Variants in RBFOX2 observed in about 807,000 individuals in gnomAD.
RBFOX2 encodes the protein RNA binding fox-1 homolog 2, also known as RNA binding protein fox-1 homolog 2.
RBFOX2 carries 10 observed loss-of-function variants against 49.1 expected under a neutral mutation model. That is an observed-to-expected ratio of 0.20 (90% CI 0.13 to 0.35). The LOEUF is 0.35. RBFOX2 is among the 10% of genes least tolerant of loss of function. The pLI is 1.00. For synonymous variants in RBFOX2, 183 were observed against 187.4 expected (o/e 0.98, Z 0.19); for missense variants, 323 against 486.9 (o/e 0.66, Z 3.17).
Position 35,976,783 on chromosome 22 carries a change from C to T in RBFOX2, c.187-37886G>A, listed in dbSNP as rs1052683950. On this transcript the variant is annotated intron_variant, in intron 1 of 13. Transcript: ENST00000438146. ...TTCAAGGCCAGCCTGGCCAACATGG[C>T]GAAACCTCGCCTCTACTAAAAATAC... Among the ~76,000 whole-genome samples the T allele has an allele frequency of 3.9e-5, 6 of 152,008 alleles. No individual in the cohort carries two copies. The South Asian group carries it at 1.0e-3, about 26-fold the overall frequency.
At chr22:35,828,210 T>TA (rs955242847) in intron 1 of RBFOX2, among the ~76,000 whole-genome samples, 11 of 145,536 alleles carry the variant, frequency 7.6e-5, no homozygotes, top group African/African-American at 2.5e-4. Context: ...CTGAAACTAC[T>TA]AAAAAAACCA....
chr22:35,745,420 CAAT>C (rs1269617458), intron 11 of RBFOX2, among the ~76,000 whole-genome samples: 1 of 152,138 alleles, frequency 6.6e-6, no homozygotes, highest in African/African-American at 2.4e-5. Flanking sequence ...TATCAATAAT[CAAT>C]AATAAAATAT....
At position 35,784,158 on chromosome 22, in the gene RBFOX2, AT is replaced by A. The variant is rs1434730636; in HGVS notation, c.253-2413del. ...GCTCAGTAAAATAAAATCCAGGCCA[AT>A]CAGCTATGCCTTCAACTCAAAAGAA... On this transcript the variant is annotated intron_variant, in intron 2 of 11. Transcript: ENST00000405409. Among the ~76,000 whole-genome samples, 4 of 152,220 alleles carry A rather than the reference AT, an allele frequency of 2.6e-5. No individual in the cohort carries two copies. The South Asian group carries it at 6.2e-4, about 24-fold the overall frequency.
chr22:35,878,625 G>A (rs1306962010), intron 1 of RBFOX2, among the ~76,000 whole-genome samples: 2 of 152,210 alleles, frequency 1.3e-5, no homozygotes, highest in East Asian at 3.9e-4. Flanking sequence ...TGCTTTTGTA[G>A]AGATAGGGTA....
chr22:35,757,323 T>TC (rs1185279149), intron 9 of RBFOX2, among the ~76,000 whole-genome samples: 3 of 151,916 alleles, frequency 2.0e-5, no homozygotes, highest in Non-Finnish European at 4.4e-5. Context: ...ATACAGACTT[T>TC]CCCCAAAACA....
intron 1 of RBFOX2, among the ~76,000 whole-genome samples, chr22:35,950,630 T>A (rs2054806319): frequency 1.3e-5 from 2 of 152,172 alleles, no homozygotes; most frequent in African/African-American, 4.8e-5. Context: ...TCCAGCAAGT[T>A]CTGCTGGTAT....
rs762015963 is a variant in RBFOX2, at chr22:35,746,516, C to T, written c.933G>A (p.Pro311=). Residue 311 remains proline, a synonymous_variant, in exon 10 of 12, where the codon CCG becomes CCA. Coordinates refer to ENST00000405409, the Ensembl canonical transcript of RBFOX2. ...GCAGCGGCTGCAGCAGCGGTGGCTG[C>T]GGTTGCAGTAGCAGGCTGTGCATAT... is the stretch of plus-strand genomic sequence containing the variant. 4.3e-6 allele frequency: 7 copies of T among 1,609,380 alleles called. No individual in the cohort carries two copies. The highest frequency in any genetic ancestry group is 1.3e-5 in the African/African-American group (1 of 74,658).
At chr22:35,855,702 C>T (rs537425101) in intron 1 of RBFOX2, among the ~76,000 whole-genome samples, 1 of 151,986 alleles carries the variant, frequency 6.6e-6, no homozygotes, top group Non-Finnish European at 1.5e-5. Context: ...AGCCAGCATG[C>T]CCAGCCCCAA....
chr22:35,948,068 ATAC>A (rs956337262), intron 1 of RBFOX2, among the ~76,000 whole-genome samples: 9 of 152,178 alleles, frequency 5.9e-5, no homozygotes, highest in African/African-American at 2.2e-4. Flanking sequence ...TTTATCTTTT[ATAC>A]TGTATTTTTG....
intron 1 of RBFOX2, among the ~76,000 whole-genome samples, chr22:36,001,731 C>T (rs574170739): frequency 4.3e-4 from 65 of 151,760 alleles, no homozygotes; most frequent in African/African-American, 1.5e-3. Context: ...CACTGCATTC[C>T]AGCCTGGACG....
chr22:35,887,007 G>A (rs534973400), intron 1 of RBFOX2, among the ~76,000 whole-genome samples: 20 of 152,220 alleles, frequency 1.3e-4, no homozygotes, highest in Middle Eastern at 6.8e-3. Context: ...TGACCACGCT[G>A]ATTTTCTGCT....
intron 3 of RBFOX2, 41 bp downstream of exon 4, chr22:35,781,559 A>C (rs371050977): frequency 1.1e-4 from 176 of 1,596,256 alleles, no homozygotes; most frequent in Non-Finnish European, 1.4e-4. Flanking sequence ...ATTAAAATCT[A>C]CTTTAATTGT....
At chr22:36,013,721 C>T (rs1294100017) in intron 1 of RBFOX2, among the ~76,000 whole-genome samples, 1 of 151,686 alleles carries the variant, frequency 6.6e-6, no homozygotes, top group African/African-American at 2.4e-5. Context: ...AAAGTAGCCT[C>T]TGATATAGGA....
chr22:35,788,392 T>TC (rs1053269059), intron 2 of RBFOX2, among the ~76,000 whole-genome samples: 15 of 151,912 alleles, frequency 9.9e-5, no homozygotes, highest in African/African-American at 1.7e-4. Context: ...TTTTTCCTCT[T>TC]CCCCCCCGTC....
At chr22:36,003,957 T>C (rs1470602670) in intron 1 of RBFOX2, among the ~76,000 whole-genome samples, 1 of 152,236 alleles carries the variant, frequency 6.6e-6, no homozygotes, top group African/African-American at 2.4e-5. Flanking sequence ...AATTCTTCAT[T>C]GTGGGAGACT....
chr22:35,904,676 A>T (rs2149472283), intron 1 of RBFOX2, among the ~76,000 whole-genome samples: 1 of 152,356 alleles, frequency 6.6e-6, no homozygotes, highest in South Asian at 2.1e-4. Context: ...TCTACATTCC[A>T]AATTGTCTCC....
At chr22:35,747,346 G>A (rs1047660913) in intron 9 of RBFOX2, 4 of 152,194 alleles carry the variant, frequency 2.6e-5, no homozygotes, top group African/African-American at 9.7e-5. Context: ...CCTGCTTCTA[G>A]CACTTAACTG....
chr22:36,000,931 T>C (rs990506038), intron 1 of RBFOX2, among the ~76,000 whole-genome samples: 20 of 152,192 alleles, frequency 1.3e-4, no homozygotes, highest in African/African-American at 4.8e-4. Context: ...ACAGATCATC[T>C]TGATCTAACC....
At chr22:35,827,550 G>A (rs748237251) in intron 1 of RBFOX2, among the ~76,000 whole-genome samples, 1 of 152,094 alleles carries the variant, frequency 6.6e-6, no homozygotes, top group Admixed American at 6.6e-5. Flanking sequence ...ATAATGTCTT[G>A]TATAACGCAT....
Sources: gnomAD v4.1 joint callset for allele counts (sites outside exome capture counted in the v4.1 genomes callset) on GRCh38, gnomAD v4.1.1 for gene constraint, MANE v1.5 for transcripts, NCBI Gene and HGNC (gene_info 2026-07-23, HGNC 2026-07-21) for gene names.